Variants in RAD50 observed in about 807,000 individuals in gnomAD.
RAD50 encodes the protein DNA repair protein RAD50.
In RAD50, 132 loss-of-function variants were observed where a neutral mutation model predicts 168.8. That is an observed-to-expected ratio of 0.78 (90% CI 0.68 to 0.90). The LOEUF is 0.90. Ranked by LOEUF, RAD50 falls within the 40% of genes least tolerant of loss-of-function variation. The probability of loss-of-function intolerance (pLI) is 0.00; values close to 1 mark genes in which losing one functional copy is unlikely to be tolerated. For synonymous variants in RAD50, 525 were observed against 497.4 expected (o/e 1.06, Z -0.74); for missense variants, 1,347 against 1,534.4 (o/e 0.88, Z 2.04).
At chr5:132,598,362 C>G (rs867851033) in intron 13 of RAD50, among the ~76,000 whole-genome samples, 1 of 152,156 alleles carries the variant, frequency 6.6e-6, no homozygotes. Context: ...AGTTTCCCCT[C>G]TAAGAGTAAG....
At chr5:132,580,106 C>A (rs1750480698) in intron 5 of RAD50, 40 bp downstream of exon 5, 1 of 1,487,604 alleles carries the variant, frequency 6.7e-7, no homozygotes, top group Non-Finnish European at 9.4e-7. Flanking sequence ...AATTGTATAT[C>A]TTTATGGTAT....
Position 132,557,119 on chromosome 5 carries a change from G to T in RAD50, c.-206G>T. 1.3e-6 allele frequency: 1 copy of T among 741,226 alleles called. No homozygotes were observed. Among genetic ancestry groups the T allele is most frequent in the Non-Finnish European group, 2.2e-6 (1 of 454,222 alleles). The allele number at this position is 741,226 out of a possible 1,614,324, so 45.9% of individuals were successfully genotyped here. A position where few individuals can be genotyped will look rare whatever the true frequency, so the allele number is the denominator to read the frequency against. On this transcript the variant is annotated 5_prime_UTR_variant, in exon 1 of 25. Transcript: ENST00000378823. ...TCCCCACCGGCGGGGAAAGCAGCTG[G>T]TGTGGGAGGAAAGGCTCCATCCCCC...
chr5:132,646,163 A>G lies in RAD50; in HGVS notation c.*3799A>G, dbSNP rs1185961838. ...GAGCACACTGGCAGTTCCTAGGATC[A>G]TAGGATATAGGCAGGGCACTGACCA... On this transcript the variant is annotated 3_prime_UTR_variant, in exon 25 of 25. Transcript: ENST00000378823. 2 of 151,206 alleles carry G rather than the reference A, an allele frequency of 1.3e-5. No individual in the cohort carries two copies. The allele number at this position is 151,206 out of a possible 1,614,324, so 9.4% of individuals were successfully genotyped here.
At chr5:132,565,017 C>A (rs1750183022) in intron 2 of RAD50, among the ~76,000 whole-genome samples, 1 of 151,964 alleles carries the variant, frequency 6.6e-6, no homozygotes, top group Non-Finnish European at 1.5e-5. Flanking sequence ...GCAGGAGGGA[C>A]CTGGTTGGGG....
At chr5:132,573,094 T>A (rs763619632) in intron 2 of RAD50, among the ~76,000 whole-genome samples, 1 of 152,232 alleles carries the variant, frequency 6.6e-6, no homozygotes, top group Non-Finnish European at 1.5e-5. Flanking sequence ...TTCCTGATTT[T>A]TGTTGTTGAA....
At chr5:132,559,139 CAT>C in intron 1 of RAD50, 143 bp from the exon 2 acceptor site, 2 of 790,798 alleles carry the variant, frequency 2.5e-6, no homozygotes, top group Non-Finnish European at 3.8e-6. Context: ...AACACTTAAT[CAT>C]ATTTTTATTA....
At position 132,587,595 on chromosome 5, in the gene RAD50, A is replaced by G. The variant is rs750693854; in HGVS notation, c.790A>G (p.Lys264Glu). The change falls in exon 6 of 25, where the codon AAA (lysine) becomes GAA (glutamate). Residue 264 changes from lysine (K) to glutamate (E), a missense_variant. Lys to Glu is a moderately conservative substitution (Grantham distance 56, BLOSUM62 1). This residue lies in a region of RAD50 where 703 missense variants were observed against 767.7 expected (regional missense o/e 0.92). Transcript: ENST00000378823. ...AAAAGAAATTGAACATAATCTCTCT[A>G]AAATAATGAAACTTGACAATGAAAT... ...RLKEIEHNLSKIMKLDNEIKA... is the reference protein window; with the variant it reads ...RLKEIEHNLSEIMKLDNEIKA... 8.7e-6 allele frequency: 14 copies of G among 1,613,508 alleles called. No homozygotes were observed. The highest frequency in any genetic ancestry group is 3.3e-4 in the Middle Eastern group (2 of 6,074).
At chr5:132,564,115 G>A (rs571643542) in intron 2 of RAD50, among the ~76,000 whole-genome samples, 7 of 152,284 alleles carry the variant, frequency 4.6e-5, no homozygotes, top group Admixed American at 2.0e-4. Context: ...AGTTGGTACC[G>A]AGAGTAGGGT....
intron 19 of RAD50, among the ~76,000 whole-genome samples, chr5:132,610,563 C>G (rs1195566706): frequency 6.6e-6 from 1 of 152,056 alleles, no homozygotes; most frequent in Non-Finnish European, 1.5e-5. Flanking sequence ...GCCTTAACCA[C>G]TTGGTTATAA....
chr5:132,589,522 C>G (rs112974561), intron 8 of RAD50, 109 bp from the exon 9 acceptor site: 2 of 842,028 alleles, frequency 2.4e-6, no homozygotes, highest in East Asian at 5.4e-5. Context: ...GAGCAACACA[C>G]GACTGTACTT....
At chr5:132,610,216 C>T (rs1056766000) in intron 19 of RAD50, among the ~76,000 whole-genome samples, 3 of 151,988 alleles carry the variant, frequency 2.0e-5, no homozygotes, top group African/African-American at 7.2e-5. Context: ...ATTTCATTTC[C>T]TTATCACAAA....
Position 132,643,732 on chromosome 5 carries a change from G to GGGTC in RAD50, c.*1369_*1372dup. 1 of 210,196 alleles carries GGGTC rather than the reference G, an allele frequency of 4.8e-6. No individual in the cohort carries two copies. Among genetic ancestry groups the GGGTC allele is most frequent in the Non-Finnish European group, 9.7e-6 (1 of 103,470 alleles). The allele number at this position is 210,196 out of a possible 1,614,324, so 13.0% of individuals were successfully genotyped here. On this transcript the variant is annotated 3_prime_UTR_variant, in exon 25 of 25. Coordinates refer to ENST00000378823, the MANE Select transcript of RAD50 (RefSeq NM_005732.4). Reference sequence around the variant, plus strand: ...CTGGGGGTGGTGGTGGGGTGGGGGGGGGTCCTAAATGTAATCACGAGTAAG... The same window carrying GGGTC: ...CTGGGGGTGGTGGTGGGGTGGGGGGGGGTCGGTCCTAAATGTAATCACGAGTAAG...
chr5:132,605,705 T>G (rs575339604), intron 16 of RAD50, among the ~76,000 whole-genome samples: 1 of 152,270 alleles, frequency 6.6e-6, no homozygotes, highest in African/African-American at 2.4e-5. Flanking sequence ...TCGCACTTAT[T>G]CTAAAATTGA....
At chr5:132,602,511 C>T (rs895513094) in intron 13 of RAD50, among the ~76,000 whole-genome samples, 3 of 152,098 alleles carry the variant, frequency 2.0e-5, no homozygotes, top group Non-Finnish European at 4.4e-5. Context: ...ACCTTAAACC[C>T]ATGTAGCATT....
chr5:132,589,264 T>C (rs775382560), intron 8 of RAD50, among the ~76,000 whole-genome samples: 1 of 152,240 alleles, frequency 6.6e-6, no homozygotes, highest in African/African-American at 2.4e-5. Context: ...ATTATAATAC[T>C]GTATTTTACT....
chr5:132,598,192 C>A (rs187333944), intron 13 of RAD50, among the ~76,000 whole-genome samples: 2 of 151,930 alleles, frequency 1.3e-5, no homozygotes, highest in African/African-American at 4.8e-5. Flanking sequence ...GGATTACAGG[C>A]GCACGTCACC....
Position 132,580,012 on chromosome 5 carries a change from A to G in RAD50, c.702A>G (p.Leu234=). ...RDQITSKEAQ[L]TSSKEIVKSY... is the part of the protein sequence containing the mutation. ...AGATTACAAGTAAGGAAGCCCAGTT[A>G]ACATCTTCAAAGGAAATTGTCAAAT... Residue 234 remains leucine, a synonymous_variant, in exon 5 of 25, where the codon TTA becomes TTG. Transcript: ENST00000378823. The G allele has an allele frequency of 6.2e-7, 1 of 1,613,520 alleles. No homozygotes were observed. The highest frequency in any genetic ancestry group is 2.2e-5 in the East Asian group (1 of 44,808).
chr5:132,589,833 A>C lies in RAD50; in HGVS notation c.1448A>C (p.Lys483Thr). Residue 483 changes from lysine (K) to threonine (T), a missense_variant, in exon 9 of 25, where the codon AAA becomes ACA. Lys to Thr is a moderately conservative substitution (Grantham distance 78). Transcript: ENST00000378823. ...CTTGAACTGGACCAGGAGCTCATAA[A>C]AGCTGTAAGATATTGTTTGAATAAT... ...RILELDQELI[K>T]AERELSKAEK... 6.2e-7 allele frequency: 1 copy of C among 1,608,588 alleles called. No homozygotes were observed. The highest frequency in any genetic ancestry group is 2.2e-5 in the East Asian group (1 of 44,752).
intron 11 of RAD50, 85 bp from the exon 12 acceptor site, chr5:132,594,784 G>C: frequency 7.4e-7 from 1 of 1,349,682 alleles, no homozygotes; most frequent in South Asian, 1.2e-5. Flanking sequence ...TTTGTTGGCA[G>C]AATTTGTCTT....
Sources: allele counts gnomAD v4.1 joint callset (sites outside exome capture counted in the v4.1 genomes callset), GRCh38; gene constraint gnomAD v4.1.1; regional missense constraint gnomAD v4.1.1; transcripts MANE v1.5; gene names NCBI Gene and HGNC (gene_info 2026-07-23, HGNC 2026-07-21).